PUS7: variants seen among roughly 807,000 people sequenced by gnomAD.
PUS7 encodes the protein pseudouridine synthase 7.
Under a neutral mutation model 79.8 loss-of-function variants are expected in PUS7, and 48 were observed. The ratio of observed to expected loss-of-function variants is 0.60; its 90% CI spans 0.48 to 0.76. The LOEUF is 0.76. PUS7 is among the 30% of genes least tolerant of loss of function. PUS7 has a pLI of 0.00. For missense variants in PUS7, 729 were observed against 797.6 expected, an observed-to-expected ratio of 0.91 and a Z score of 1.04; for synonymous variants, 286 against 272.2, an observed-to-expected ratio of 1.05 and a Z score of -0.50.
At chr7:105,510,323 A>G (rs1825653630) in intron 1 of PUS7, among the ~76,000 whole-genome samples, 1 of 152,014 alleles carries the variant, frequency 6.6e-6, no homozygotes, top group Non-Finnish European at 1.5e-5. Flanking sequence ...AAATAAATAA[A>G]ATAAAATATT....
Position 105,485,850 on chromosome 7 carries a change from C to T in PUS7, c.921-3410G>A, listed in dbSNP as rs111606533. On this transcript the variant is annotated intron_variant, in intron 7 of 15. Transcript: ENST00000469408. ...AGTCTCTGTCGCCCAGGTTGGAGTG[C>T]AGTGGTGCGATCTAAGCTTACTGCA... 5.2e-3 allele frequency among the ~76,000 whole-genome samples: 789 copies of T among 152,074 alleles called. 13 individuals carry two copies. The highest frequency in any genetic ancestry group is 0.018 in the African/African-American group (740 of 41,478).
intron 2 of PUS7, among the ~76,000 whole-genome samples, chr7:105,507,352 A>AT (rs1299147340): frequency 2.0e-5 from 3 of 151,648 alleles, no homozygotes; most frequent in East Asian, 3.9e-4. Flanking sequence ...GGCCTGATCC[A>AT]TTTTTTAAAT....
chr7:105,475,384 A>G (rs1824056367), intron 9 of PUS7, among the ~76,000 whole-genome samples: 1 of 151,618 alleles, frequency 6.6e-6, no homozygotes, highest in Admixed American at 6.6e-5. Flanking sequence ...ATGGGGTTTC[A>G]CTGTGTTAGC....
At chr7:105,473,181 TTTACTC>T (rs1823943839) in intron 9 of PUS7, among the ~76,000 whole-genome samples, 1 of 151,558 alleles carries the variant, frequency 6.6e-6, no homozygotes. Context: ...ATAAATACGA[TTTACTC>T]TTATCATTCT....
intron 6 of PUS7, among the ~76,000 whole-genome samples, chr7:105,494,760 T>C (rs1230745469): frequency 6.6e-6 from 1 of 151,936 alleles, no homozygotes; most frequent in Non-Finnish European, 1.5e-5. Context: ...TGAGGACTGC[T>C]TGAGCACAGG....
chr7:105,505,991 C>A lies in PUS7; in HGVS notation c.549G>T (p.Gln183His), dbSNP rs138202206. Residue 183 changes from glutamine to histidine, a missense_variant, in exon 4 of 16, where the codon CAG (glutamine) becomes CAT (histidine). Gln to His is a conservative substitution (Grantham distance 24). Transcript: ENST00000469408. ...CACTGGTTTCCTTATTTTTGAACAGCTGGAGCTCTTCCAATCGCTGCTTTT... is the reference window on the plus strand; with the variant it reads ...CACTGGTTTCCTTATTTTTGAACAGATGGAGCTCTTCCAATCGCTGCTTTT... ...AEEKQRLEEL[Q>H]LFKNKETSVA... is the part of the protein sequence containing the mutation. The A allele has an allele frequency of 6.2e-7, 1 of 1,613,838 alleles. No homozygotes were observed. The highest frequency in any genetic ancestry group is 8.5e-7 in the Non-Finnish European group (1 of 1,179,876).
chr7:105,512,351 T>C (rs933309236), intron 1 of PUS7, among the ~76,000 whole-genome samples: 2 of 152,070 alleles, frequency 1.3e-5, no homozygotes, highest in African/African-American at 4.8e-5. Context: ...GCTGACACGA[T>C]TTCACTCTCA....
rs79547657 is a variant in PUS7, at chr7:105,477,413, A to G, written c.1175+3639T>C. On this transcript the variant is annotated intron_variant, in intron 9 of 15. Coordinates refer to ENST00000469408, the MANE Select transcript of PUS7 (RefSeq NM_019042.5). Reference sequence around the variant, plus strand: ...CAGGTGTTCATGCCACCACACTCAGATAATTTTTGTATTTTTAGTAGAGGC... The same window carrying G: ...CAGGTGTTCATGCCACCACACTCAGGTAATTTTTGTATTTTTAGTAGAGGC... Among the ~76,000 whole-genome samples the G allele has an allele frequency of 5.5e-3, 837 of 151,876 alleles. 6 individuals carry two copies. The highest frequency in any genetic ancestry group is 0.02 in the Middle Eastern group (6 of 294).
chr7:105,472,849 T>C (rs2133086299), intron 9 of PUS7, among the ~76,000 whole-genome samples: 1 of 151,126 alleles, frequency 6.6e-6, no homozygotes, highest in South Asian at 2.1e-4. Context: ...TGCCTCCCGG[T>C]TTCACGCCAT....
rs562663158 is a variant in PUS7, at chr7:105,508,377, C to T, written c.136G>A (p.Gly46Arg). Reference protein sequence around the residue: ...SECSLTKGQDGLQNDFLSISE... With the variant: ...SECSLTKGQDRLQNDFLSISE... ...ATGGACAGAAAGTCATTCTGTAGCC[C>T]ATCTTGACCTTTGGTTAGACTGCAT... The change falls in exon 2 of 16, where the codon GGG becomes AGG. Residue 46 changes from glycine (G) to arginine (R), a missense_variant. By Grantham distance (125) the Gly-to-Arg change is moderately radical. Coordinates refer to ENST00000469408, the MANE Select transcript of PUS7 (RefSeq NM_019042.5). 7 of 1,614,094 alleles carry T rather than the reference C, an allele frequency of 4.3e-6. No individual in the cohort carries two copies. The East Asian group carries it at 1.6e-4, about 36-fold the overall frequency.
chr7:105,476,519 G>A (rs547276332), intron 9 of PUS7, among the ~76,000 whole-genome samples: 10 of 152,070 alleles, frequency 6.6e-5, no homozygotes, highest in Admixed American at 2.6e-4. Flanking sequence ...CACCACGCCC[G>A]GCTAATTTTT....
At chr7:105,488,134 A>G (rs1824630357) in intron 7 of PUS7, among the ~76,000 whole-genome samples, 1 of 152,228 alleles carries the variant, frequency 6.6e-6, no homozygotes, top group African/African-American at 2.4e-5. Context: ...AAAGGCAGCA[A>G]AAATCTGAGG....
At position 105,512,144 on chromosome 7, in the gene PUS7, C is replaced by CA. The variant is rs59884368; in HGVS notation, c.-32-3601dup. Among the ~76,000 whole-genome samples, 56 of 68,836 alleles carry CA rather than the reference C, an allele frequency of 8.1e-4. 1 individual carries two copies. The highest frequency in any genetic ancestry group is 3.3e-3 in the African/African-American group (55 of 16,908). The allele number at this position is 68,836 out of a possible 152,430, so 45.2% of individuals were successfully genotyped here. On this transcript the variant is annotated intron_variant, in intron 1 of 15. Coordinates refer to ENST00000469408, the MANE Select transcript of PUS7 (RefSeq NM_019042.5). ...TGGGTGACAGAGAGAGATTCTGTCT[C>CA]AAAAAAAAAAAAAAAAAAAAAAAAA...
intron 12 of PUS7, among the ~76,000 whole-genome samples, chr7:105,465,887 G>C (rs1245270922): frequency 6.6e-6 from 1 of 152,132 alleles, no homozygotes; most frequent in Non-Finnish European, 1.5e-5. Flanking sequence ...GCCAGGAGCA[G>C]TGGCTCACGC....
chr7:105,504,437 A>G (rs1015591643), intron 4 of PUS7, among the ~76,000 whole-genome samples: 1 of 152,230 alleles, frequency 6.6e-6, no homozygotes, highest in African/African-American at 2.4e-5. Context: ...GATTACAGGT[A>G]AATGACTTCT....
At chr7:105,485,285 C>T (rs997606987) in intron 7 of PUS7, among the ~76,000 whole-genome samples, 86 of 152,240 alleles carry the variant, frequency 5.6e-4, no homozygotes, top group African/African-American at 2.1e-3. Context: ...TCTTGGCTCA[C>T]TGCAACCTCC....
intron 1 of PUS7, among the ~76,000 whole-genome samples, chr7:105,519,908 G>C (rs937453192): frequency 6.6e-6 from 1 of 152,186 alleles, no homozygotes; most frequent in Non-Finnish European, 1.5e-5. Context: ...ACGTGTAAAG[G>C]ACCTGAAACC....
intron 1 of PUS7, among the ~76,000 whole-genome samples, chr7:105,513,028 G>A (rs1339622438): frequency 6.6e-6 from 1 of 152,192 alleles, no homozygotes; most frequent in Non-Finnish European, 1.5e-5. Flanking sequence ...GAGGGTCCCA[G>A]AAAGAAGAGC....
intron 9 of PUS7, among the ~76,000 whole-genome samples, chr7:105,480,136 T>C (rs114445861): frequency 0.021 from 3,152 of 152,320 alleles, 46 homozygotes; most frequent in African/African-American, 0.034. Flanking sequence ...CAGATTACTG[T>C]TGAATCACTT....
Sources: gnomAD v4.1 joint callset for allele counts (sites outside exome capture counted in the v4.1 genomes callset) on GRCh38, gnomAD v4.1.1 for gene constraint, MANE v1.5 for transcripts, NCBI Gene and HGNC (gene_info 2026-07-23, HGNC 2026-07-21) for gene names.